COL21A1: variants seen among roughly 807,000 people sequenced by gnomAD.
COL21A1 encodes the protein collagen alpha-1(XXI) chain.
COL21A1 carries 149 observed loss-of-function variants against 137.9 expected under a neutral mutation model. The observed-to-expected ratio is 1.08, with a 90% confidence interval of 0.95 to 1.24. The LOEUF is 1.24. Among genes scored for constraint, COL21A1 ranks in the 50% most tolerant of loss-of-function variants. The pLI is 0.00. For synonymous variants in COL21A1, 456 were observed against 391.5 expected (o/e 1.16, Z -1.95); for missense variants, 1,167 against 1,158.4 (o/e 1.01, Z -0.11).
At chr6:56,319,692 A>G (rs1764821957) in intron 1 of COL21A1, among the ~76,000 whole-genome samples, 1 of 152,144 alleles carries the variant, frequency 6.6e-6, no homozygotes, top group South Asian at 2.1e-4. Flanking sequence ...GATCAGCCTG[A>G]GCATTATGTT....
intron 23 of COL21A1, among the ~76,000 whole-genome samples, chr6:56,066,013 G>C (rs1766212314): frequency 6.6e-6 from 1 of 151,872 alleles, no homozygotes. Context: ...CGATTATCAT[G>C]ACAGGAAATC....
intron 1 of COL21A1, among the ~76,000 whole-genome samples, chr6:56,353,624 C>T (rs1765766195): frequency 1.3e-5 from 2 of 152,182 alleles, no homozygotes; most frequent in African/African-American, 2.4e-5. Flanking sequence ...TATTATGAAT[C>T]AATTAGGTAA....
chr6:56,355,418 A>G (rs1472444428), intron 1 of COL21A1, among the ~76,000 whole-genome samples: 1 of 152,074 alleles, frequency 6.6e-6, no homozygotes, highest in Non-Finnish European at 1.5e-5. Flanking sequence ...AGGAAAAAAA[A>G]GGGAGAGACG....
chr6:56,332,666 T>C (rs1359918477), intron 1 of COL21A1, among the ~76,000 whole-genome samples: 5 of 151,508 alleles, frequency 3.3e-5, no homozygotes, highest in African/African-American at 1.2e-4. Context: ...CTTGTCACCA[T>C]TTTCAACACT....
chr6:56,057,680 A>G lies in COL21A1; in HGVS notation c.2851T>C (p.Phe951Leu). The change falls in exon 30 of 30, where the codon TTC (phenylalanine) becomes CTC (leucine). Residue 951 changes from phenylalanine (F) to leucine (L), a missense_variant. Coordinates refer to ENST00000244728, the MANE Select transcript of COL21A1 (RefSeq NM_030820.4). ...CACTAATAGTTTGGTCCTTTTCTGAACGGATCTCTTCTGGCAATTACACTA... is the reference window on the plus strand; with the variant it reads ...CACTAATAGTTTGGTCCTTTTCTGAGCGGATCTCTTCTGGCAATTACACTA... ...CFSVIARRDPFRKGPNY is the reference protein window; with the variant it reads ...CFSVIARRDPLRKGPNY The G allele has an allele frequency of 1.9e-6, 3 of 1,613,236 alleles. No homozygotes were observed. The highest frequency in any genetic ancestry group is 2.5e-6 in the Non-Finnish European group (3 of 1,179,586).
chr6:56,341,336 T>C (rs10456732), intron 1 of COL21A1, among the ~76,000 whole-genome samples: 33,787 of 152,134 alleles, frequency 0.22, 3,970 homozygotes, highest in African/African-American at 0.29. Context: ...ATAAACTCCA[T>C]TATTCAAGGA....
At chr6:56,123,459 T>A (rs62412813) in intron 16 of COL21A1, among the ~76,000 whole-genome samples, 1 of 152,198 alleles carries the variant, frequency 6.6e-6, no homozygotes, top group South Asian at 2.1e-4. Flanking sequence ...TTCAAAGAAC[T>A]GACCGTTAGA....
At chr6:56,067,233 A>G in intron 23 of COL21A1, 62 bp downstream of exon 23, 5 of 1,324,880 alleles carry the variant, frequency 3.8e-6, no homozygotes, top group Non-Finnish European at 5.3e-6. Flanking sequence ...AAAGTAAAAT[A>G]AGAACTTTTT....
intron 1 of COL21A1, among the ~76,000 whole-genome samples, chr6:56,209,030 T>C (rs1253734888): frequency 1.3e-5 from 2 of 152,126 alleles, no homozygotes; most frequent in African/African-American, 4.8e-5. Context: ...TAACCCAAGA[T>C]GGATTAAAGA....
At chr6:56,310,180 T>C (rs1764575202) in intron 1 of COL21A1, among the ~76,000 whole-genome samples, 1 of 144,488 alleles carries the variant, frequency 6.9e-6, no homozygotes, top group Non-Finnish European at 1.6e-5. Flanking sequence ...CAAAAAGAAA[T>C]GGAAGACGTA....
chr6:56,308,192 A>T (rs1764516297), intron 1 of COL21A1, among the ~76,000 whole-genome samples: 1 of 152,216 alleles, frequency 6.6e-6, no homozygotes, highest in African/African-American at 2.4e-5. Flanking sequence ...AGAATCCCTT[A>T]TGGTTTTATG....
intron 1 of COL21A1, among the ~76,000 whole-genome samples, chr6:56,331,301 A>T: frequency 6.7e-6 from 1 of 149,906 alleles, no homozygotes. Context: ...CCATTTGTCA[A>T]TTTTTGTTTT....
chr6:56,291,751 T>G (rs1054444117), intron 1 of COL21A1, among the ~76,000 whole-genome samples: 63 of 152,242 alleles, frequency 4.1e-4, no homozygotes, highest in African/African-American at 1.5e-3. Context: ...CTATCTTGAC[T>G]TCTAAAATAA....
chr6:56,174,725 A>G (rs937878571), intron 3 of COL21A1, among the ~76,000 whole-genome samples: 8 of 152,234 alleles, frequency 5.3e-5, no homozygotes, highest in African/African-American at 1.7e-4. Context: ...GAATTCTACC[A>G]GACATTTAAA....
intron 1 of COL21A1, among the ~76,000 whole-genome samples, chr6:56,215,157 C>A (rs1780407013): frequency 6.6e-6 from 1 of 152,072 alleles, no homozygotes; most frequent in African/African-American, 2.4e-5. Context: ...ATTTCCGTCC[C>A]CTCATGGCAA....
At position 56,082,007 on chromosome 6, in the gene COL21A1, C is replaced by T. The variant is rs1357777918; in HGVS notation, c.1813-4434G>A. On this transcript the variant is annotated intron_variant, in intron 17 of 29. Coordinates refer to ENST00000244728, the MANE Select transcript of COL21A1 (RefSeq NM_030820.4). ...GCCATTTTCAAGGCTACTGCAGTAA[C>T]TGGCATTTCTTTTCCACACCTAAAG... is the stretch of plus-strand genomic sequence containing the variant. 4.6e-5 allele frequency among the ~76,000 whole-genome samples: 7 copies of T among 151,942 alleles called. No individual in the cohort carries two copies. The Admixed American group carries it at 4.6e-4, about 10-fold the overall frequency.
chr6:56,216,038 A>C (rs1780460854), intron 1 of COL21A1, among the ~76,000 whole-genome samples: 1 of 152,052 alleles, frequency 6.6e-6, no homozygotes, highest in African/African-American at 2.4e-5. Flanking sequence ...TCAATTAAGT[A>C]TTTTAATGGC....
chr6:56,144,648 G>A (rs1184034697), intron 10 of COL21A1, among the ~76,000 whole-genome samples: 1 of 152,196 alleles, frequency 6.6e-6, no homozygotes, highest in Non-Finnish European at 1.5e-5. Context: ...AAGTTGATGT[G>A]GTATTTGTTA....
chr6:56,163,537 C>T (rs1212324025), intron 9 of COL21A1, among the ~76,000 whole-genome samples: 2 of 152,016 alleles, frequency 1.3e-5, no homozygotes, highest in African/African-American at 2.4e-5. Flanking sequence ...GGTGAAACCC[C>T]GTCTCTACTA....
Sources: allele counts gnomAD v4.1 joint callset (sites outside exome capture counted in the v4.1 genomes callset), GRCh38; gene constraint gnomAD v4.1.1; transcripts MANE v1.5; gene names NCBI Gene and HGNC (gene_info 2026-07-23, HGNC 2026-07-21).